BCAS3: variants seen among roughly 807,000 people sequenced by gnomAD.
BCAS3 encodes the protein BCAS3 microtubule associated cell migration factor, also known as BCAS4/BCAS3 fusion.
BCAS3 carries 53 observed loss-of-function variants against 116.1 expected under a neutral mutation model. The observed-to-expected ratio is 0.46, with a 90% CI of 0.37 to 0.57. BCAS3 has a LOEUF of 0.57. Ranked by LOEUF, BCAS3 falls within the 20% of genes least tolerant of loss-of-function variation. The probability of loss-of-function intolerance (pLI) is 0.00; values close to 1 mark genes in which losing one functional copy is unlikely to be tolerated. For missense variants in BCAS3, 917 were observed against 1,165.4 expected (o/e 0.79, Z 3.10); for synonymous variants, 391 against 408.2 (o/e 0.96, Z 0.51).
rs561635794 is a variant in BCAS3, at chr17:60,839,022, G to A, written c.477-29554G>A. 2.3e-4 allele frequency among the ~76,000 whole-genome samples: 35 copies of A among 152,178 alleles called. 1 individual carries two copies. The highest frequency in any genetic ancestry group is 1.6e-3 in the Admixed American group (25 of 15,280). Reference sequence around the variant, plus strand: ...TTTAGTGGAGGAAGACTGTGTGGGCGTAGTAGAAAATAGTATTGTATAAGT... The same window carrying A: ...TTTAGTGGAGGAAGACTGTGTGGGCATAGTAGAAAATAGTATTGTATAAGT... On this transcript the variant is annotated intron_variant, in intron 7 of 23. Coordinates refer to ENST00000407086, the MANE Select transcript of BCAS3 (RefSeq NM_017679.5).
At chr17:60,919,545 G>A (rs763296387) in intron 12 of BCAS3, among the ~76,000 whole-genome samples, 43 of 152,036 alleles carry the variant, frequency 2.8e-4, no homozygotes, top group Non-Finnish European at 5.7e-4. Flanking sequence ...GGATGGTCTC[G>A]ATCTCTTGAG....
At chr17:60,826,093 C>T (rs2050397980) in intron 7 of BCAS3, among the ~76,000 whole-genome samples, 1 of 151,950 alleles carries the variant, frequency 6.6e-6, no homozygotes, top group East Asian at 1.9e-4. Context: ...AACTTCTGAC[C>T]TCGTGATCCT....
In BCAS3 at chr17:61,017,560, G is replaced by A. The variant is rs1182982205; in HGVS notation, c.1637+1659G>A. 6.6e-6 allele frequency among the ~76,000 whole-genome samples: 1 copy of A among 152,046 alleles called. No homozygotes were observed. The highest frequency in any genetic ancestry group is 1.5e-5 in the Non-Finnish European group (1 of 67,982). ...AAGCATATTCTGGTGCTTTGTTTCT[G>A]GTGCGTGTTTATTTAATTTTAACAT... On this transcript the variant is annotated intron_variant, in intron 16 of 23. Transcript: ENST00000407086. This position sits in a 1 kb window ranked among gnomAD's most constrained non-coding sequence, Gnocchi z 4.7.
intron 5 of BCAS3, among the ~76,000 whole-genome samples, chr17:60,718,825 G>A (rs879555079): frequency 3.9e-5 from 6 of 152,256 alleles, no homozygotes; most frequent in African/African-American, 7.2e-5. Flanking sequence ...ACTTTGGGAG[G>A]CCGAGGTGGG....
chr17:60,873,834 G>A (rs1015322215), intron 8 of BCAS3, among the ~76,000 whole-genome samples: 1 of 151,942 alleles, frequency 6.6e-6, no homozygotes, highest in Non-Finnish European at 1.5e-5. Flanking sequence ...AAACACTTTA[G>A]TAGATAGCCA....
At chr17:60,828,025 G>T (rs1568336166) in intron 7 of BCAS3, among the ~76,000 whole-genome samples, 1 of 151,750 alleles carries the variant, frequency 6.6e-6, no homozygotes, top group African/African-American at 2.4e-5. Flanking sequence ...CAAAACAATA[G>T]TTTTTTTTCA....
At chr17:60,969,570 C>A (rs1279535203) in intron 14 of BCAS3, among the ~76,000 whole-genome samples, 4 of 151,918 alleles carry the variant, frequency 2.6e-5, no homozygotes, top group African/African-American at 9.7e-5. Context: ...TCAGAGCCAA[C>A]ATACATGTAG....
At position 60,868,589 on chromosome 17, in the gene BCAS3, T is replaced by C. The variant is rs1450406194; in HGVS notation, c.490T>C (p.Tyr164His). The C allele has an allele frequency of 2.5e-6, 4 of 1,575,630 alleles. No homozygotes were observed. In the Admixed American group the frequency reaches 7.9e-5, roughly 31 times the overall value. Residue 164 changes from tyrosine to histidine, a missense_variant, in exon 8 of 24, where the codon TAC (tyrosine) becomes CAC (histidine). By Grantham distance (83) the Tyr-to-His change is moderately conservative. Around this residue, in one of 3 missense-constraint regions of BCAS3, gnomAD observed 807 missense variants for 1,026.0 expected, o/e 0.79. Coordinates refer to ENST00000407086, the MANE Select transcript of BCAS3 (RefSeq NM_017679.5). ...SIGSSGTSPP[Y>H]CCVDLYSLRT... ...TTTCTTTTTTAGCACAAGCCCACCGTACTGTTGTGTGGATCTGTATTCACT... is the reference window on the plus strand; with the variant it reads ...TTTCTTTTTTAGCACAAGCCCACCGCACTGTTGTGTGGATCTGTATTCACT...
At chr17:61,255,510 A>G (rs762957708) in intron 22 of BCAS3, among the ~76,000 whole-genome samples, 1 of 152,214 alleles carries the variant, frequency 6.6e-6, no homozygotes, top group African/African-American at 2.4e-5. Context: ...TAGCGCATCA[A>G]TACCCCTAAG....
chr17:60,700,185 A>AAAAAAAAAAAAAAAAAAAAAG lies in BCAS3; in HGVS notation c.215-9034_215-9033insAAAAAAAAAAAAAAAAAAAAG, dbSNP rs1319555739. Among the ~76,000 whole-genome samples, 3 of 147,060 alleles carry AAAAAAAAAAAAAAAAAAAAAG rather than the reference A, an allele frequency of 2.0e-5. 1 individual carries two copies. Among genetic ancestry groups the AAAAAAAAAAAAAAAAAAAAAG allele is most frequent in the African/African-American group, 8.1e-5 (3 of 36,914 alleles). Reference sequence around the variant, plus strand: ...TGAGACCCTGTCTCAAAAAAAAAAAAGAAGCAGTTCAACTCTTACGTGAAG... The same window carrying AAAAAAAAAAAAAAAAAAAAAG: ...TGAGACCCTGTCTCAAAAAAAAAAAAAAAAAAAAAAAAAAAAAAAAGGAAGCAGTTCAACTCTTACGTGAAG... On this transcript the variant is annotated intron_variant, in intron 4 of 23. Transcript: ENST00000407086.
Position 61,242,276 on chromosome 17 carries a change from C to CAA in BCAS3, c.2426-126034_2426-126033dup, listed in dbSNP as rs372656421. ...GGGCAGCAAATGTGAAACTCTGTCT[C>CAA]AAAAAAAAAAAAAAAAAATCCAAAC... On this transcript the variant is annotated intron_variant, in intron 22 of 23. Coordinates refer to ENST00000407086, the MANE Select transcript of BCAS3 (RefSeq NM_017679.5). Among the ~76,000 whole-genome samples the CAA allele has an allele frequency of 6.7e-3, 876 of 130,802 alleles. 3 individuals carry two copies. Among genetic ancestry groups the CAA allele is most frequent in the East Asian group, 0.026 (116 of 4,546 alleles). 85.8% of individuals were successfully genotyped at this position (130,802 alleles called of 152,430 possible). A position where few individuals can be genotyped will look rare whatever the true frequency, so the allele number is the denominator to read the frequency against.
intron 7 of BCAS3, among the ~76,000 whole-genome samples, chr17:60,830,782 A>G (rs888977560): frequency 6.6e-6 from 1 of 151,250 alleles, no homozygotes; most frequent in Non-Finnish European, 1.5e-5. Context: ...TTAAAAATAA[A>G]TTTTCTGGCT....
intron 22 of BCAS3, among the ~76,000 whole-genome samples, chr17:61,166,220 A>G (rs902037162): frequency 1.3e-5 from 2 of 152,162 alleles, no homozygotes; most frequent in Non-Finnish European, 2.9e-5. Flanking sequence ...TTTTTGTCCT[A>G]TAAAGTATCT....
Position 61,227,251 on chromosome 17 carries a change from C to T in BCAS3, c.2426-141076C>T, listed in dbSNP as rs3785864. ...TGAGAAGCTAGTGCAATTTATGAGTCCTCTTCTGAAAAAAATGCAGATACT... is the reference window on the plus strand; with the variant it reads ...TGAGAAGCTAGTGCAATTTATGAGTTCTCTTCTGAAAAAAATGCAGATACT... On this transcript the variant is annotated intron_variant, in intron 22 of 23. Coordinates refer to ENST00000407086, the MANE Select transcript of BCAS3 (RefSeq NM_017679.5). This position sits in a 1 kb window ranked among gnomAD's most constrained non-coding sequence, Gnocchi z 6.1. Among the ~76,000 whole-genome samples, 89,688 of 152,084 alleles carry T rather than the reference C, an allele frequency of 0.59. 31,818 individuals are homozygous for T. Among genetic ancestry groups the T allele is most frequent in the East Asian group, 0.82 (4,244 of 5,172 alleles).
intron 6 of BCAS3, among the ~76,000 whole-genome samples, chr17:60,752,839 A>T (rs928532232): frequency 6.6e-6 from 1 of 151,944 alleles, no homozygotes; most frequent in Non-Finnish European, 1.5e-5. Context: ...TCCTATTCAT[A>T]TGTAACTTGA....
intron 22 of BCAS3, chr17:61,086,940 A>T (rs1238941716): frequency 1.0e-6 from 1 of 985,304 alleles, no homozygotes; most frequent in Admixed American, 6.1e-5. Context: ...ATCTACTTTA[A>T]TAGGACCAAC....
chr17:61,047,530 A>G (rs1205324019), intron 19 of BCAS3, among the ~76,000 whole-genome samples: 3 of 152,042 alleles, frequency 2.0e-5, no homozygotes, highest in African/African-American at 4.8e-5. Context: ...TAGTTTATAA[A>G]AAGATGACAG....
chr17:60,741,850 C>T (rs2041580708), intron 5 of BCAS3, among the ~76,000 whole-genome samples: 1 of 152,134 alleles, frequency 6.6e-6, no homozygotes, highest in African/African-American at 2.4e-5. Context: ...AGTTACTCTA[C>T]TAGATATATA....
intron 14 of BCAS3, among the ~76,000 whole-genome samples, chr17:60,981,323 A>T (rs945768881): frequency 2.6e-5 from 4 of 151,400 alleles, no homozygotes; most frequent in Non-Finnish European, 4.4e-5. Context: ...TCTGTCACCC[A>T]GGCTGGAGTG....
Sources: gnomAD v4.1 joint callset for allele counts (sites outside exome capture counted in the v4.1 genomes callset) on GRCh38, gnomAD v4.1.1 for gene constraint, gnomAD v4.1.1 regional missense constraint, Gnocchi (gnomAD v3.1) non-coding constraint, MANE v1.5 for transcripts, NCBI Gene and HGNC (gene_info 2026-07-23, HGNC 2026-07-21) for gene names.